SORCS2: variants seen among roughly 807,000 people sequenced by gnomAD.
SORCS2 encodes the protein VPS10 domain-containing receptor SorCS2.
Under a neutral mutation model 141.6 loss-of-function variants are expected in SORCS2, and 100 were observed. The ratio of observed to expected loss-of-function variants is 0.71; its 90% CI spans 0.60 to 0.83. The LOEUF is 0.83. Ranked by LOEUF, SORCS2 falls within the 40% of genes least tolerant of loss-of-function variation. The probability of loss-of-function intolerance (pLI) is 0.00; values close to 1 mark genes in which losing one functional copy is unlikely to be tolerated. For synonymous variants in SORCS2, 789 were observed against 676.9 expected (o/e 1.17, Z -2.57); for missense variants, 1,646 against 1,560.2 (o/e 1.05, Z -0.93).
At chr4:7,504,489 C>G (rs1233094800) in intron 2 of SORCS2, among the ~76,000 whole-genome samples, 1 of 148,340 alleles carries the variant, frequency 6.7e-6, no homozygotes, top group Admixed American at 7.0e-5. Flanking sequence ...AAATCCTGCT[C>G]ATTTTATGAG....
chr4:7,348,344 A>T (rs1358517756), intron 1 of SORCS2, among the ~76,000 whole-genome samples: 1 of 151,976 alleles, frequency 6.6e-6, no homozygotes, highest in African/African-American at 2.4e-5. Flanking sequence ...AATAAAAACA[A>T]CTCTGATTTC....
chr4:7,628,714 A>AG (rs1250200063), intron 3 of SORCS2, among the ~76,000 whole-genome samples: 2 of 149,584 alleles, frequency 1.3e-5, no homozygotes, highest in Non-Finnish European at 1.5e-5. Flanking sequence ...ACACAAATGG[A>AG]GGGGGTGGGG....
intron 1 of SORCS2, among the ~76,000 whole-genome samples, chr4:7,279,335 A>C (rs1715711134): frequency 6.6e-6 from 1 of 152,216 alleles, no homozygotes; most frequent in Non-Finnish European, 1.5e-5. Flanking sequence ...GTGGGGCAAA[A>C]TGTGTCTGTG....
chr4:7,638,529 G>C (rs746228301), intron 4 of SORCS2, 37 bp downstream of exon 4: 1 of 1,578,236 alleles, frequency 6.3e-7, no homozygotes, highest in Admixed American at 1.8e-5. Flanking sequence ...GGTCTGTGGG[G>C]CTGGGGTCTG....
intron 5 of SORCS2, among the ~76,000 whole-genome samples, chr4:7,654,887 G>A (rs1721660887): frequency 6.6e-6 from 1 of 152,186 alleles, no homozygotes; most frequent in African/African-American, 2.4e-5. Context: ...TTCCGATGGT[G>A]GGTACCAGCC....
intron 2 of SORCS2, among the ~76,000 whole-genome samples, chr4:7,427,480 C>T (rs183804815): frequency 1.7e-3 from 257 of 152,234 alleles, no homozygotes; most frequent in Non-Finnish European, 2.9e-3. Flanking sequence ...CGGGATGAGA[C>T]GGTGGCAGGG....
At chr4:7,344,010 G>A (rs1720515419) in intron 1 of SORCS2, among the ~76,000 whole-genome samples, 1 of 152,178 alleles carries the variant, frequency 6.6e-6, no homozygotes, top group Non-Finnish European at 1.5e-5. Flanking sequence ...CTAGGCCCTG[G>A]TACAGATCCA....
intron 3 of SORCS2, among the ~76,000 whole-genome samples, chr4:7,580,964 T>C (rs1333939508): frequency 6.6e-6 from 1 of 152,158 alleles, no homozygotes; most frequent in South Asian, 2.1e-4. Flanking sequence ...ATTCTTTGTT[T>C]TATATACATT....
At chr4:7,301,761 T>C (rs1717448565) in intron 1 of SORCS2, among the ~76,000 whole-genome samples, 1 of 152,238 alleles carries the variant, frequency 6.6e-6, no homozygotes, top group South Asian at 2.1e-4. Flanking sequence ...CCTTTTTCCA[T>C]GAGCTGCGCT....
At chr4:7,367,334 G>T (rs1366883887) in intron 1 of SORCS2, among the ~76,000 whole-genome samples, 1 of 152,236 alleles carries the variant, frequency 6.6e-6, no homozygotes, top group Admixed American at 6.5e-5. Flanking sequence ...GGAAGCACAG[G>T]CCATTTGGAC....
chr4:7,364,167 A>G (rs1577449395), intron 1 of SORCS2, among the ~76,000 whole-genome samples: 1 of 152,218 alleles, frequency 6.6e-6, no homozygotes, highest in East Asian at 1.9e-4. Context: ...CATCTGTACA[A>G]TTTGTGAAGC....
chr4:7,417,864 C>T (rs569978740), intron 2 of SORCS2, among the ~76,000 whole-genome samples: 1 of 152,182 alleles, frequency 6.6e-6, no homozygotes, highest in Admixed American at 6.5e-5. Flanking sequence ...TCCCAGGGCA[C>T]ATGAAGGGTG....
chr4:7,738,767 C>T (rs569261086), intron 26 of SORCS2, among the ~76,000 whole-genome samples: 2 of 152,302 alleles, frequency 1.3e-5, no homozygotes, highest in African/African-American at 4.8e-5. Flanking sequence ...AAGGAGAAGT[C>T]GCTCACCCCG....
chr4:7,713,473 A>C (rs1560504168), intron 15 of SORCS2, among the ~76,000 whole-genome samples: 1 of 152,184 alleles, frequency 6.6e-6, no homozygotes, highest in Non-Finnish European at 1.5e-5. Context: ...ACTTTACTCA[A>C]GACCATCACG....
chr4:7,397,176 C>T (rs555571517), intron 2 of SORCS2, among the ~76,000 whole-genome samples: 2 of 152,136 alleles, frequency 1.3e-5, no homozygotes, highest in Non-Finnish European at 2.9e-5. Flanking sequence ...CTGATCAGGA[C>T]CTCGAGTTGG....
intron 19 of SORCS2, among the ~76,000 whole-genome samples, chr4:7,724,717 T>C (rs111161948): frequency 5.1e-5 from 1 of 19,558 alleles, no homozygotes; most frequent in African/African-American, 2.4e-4. Flanking sequence ...GGTGATAGTA[T>C]TGGTGGGAAT....
Position 7,270,801 on chromosome 4 carries a change from A to T in SORCS2, c.480+77675A>T, listed in dbSNP as rs55935752. 9.1e-4 allele frequency among the ~76,000 whole-genome samples: 139 copies of T among 152,354 alleles called. 1 individual carries two copies. Among genetic ancestry groups the T allele is most frequent in the Admixed American group, 3.5e-3 (54 of 15,304 alleles). On this transcript the variant is annotated intron_variant, in intron 1 of 26. Coordinates refer to ENST00000507866, the MANE Select transcript of SORCS2 (RefSeq NM_020777.3). ...ACTTAAAGAACATCAAGGAAGAAAA[A>T]CACTTTATTTTTCTGAGTTAGAACC...
At chr4:7,489,311 C>T (rs774696102) in intron 2 of SORCS2, among the ~76,000 whole-genome samples, 2 of 152,196 alleles carry the variant, frequency 1.3e-5, no homozygotes, top group Non-Finnish European at 2.9e-5. Context: ...CATTTCCAAG[C>T]ACCCTAAACC....
chr4:7,647,823 A>C (rs980560553), intron 4 of SORCS2, among the ~76,000 whole-genome samples: 9 of 152,218 alleles, frequency 5.9e-5, no homozygotes, highest in African/African-American at 1.9e-4. Context: ...TGATCTGCTC[A>C]TCCTCAGGGA....
Sources: gnomAD v4.1 joint callset for allele counts (sites outside exome capture counted in the v4.1 genomes callset) on GRCh38, gnomAD v4.1.1 for gene constraint, MANE v1.5 for transcripts, NCBI Gene and HGNC (gene_info 2026-07-23, HGNC 2026-07-21) for gene names.